Variants in AGBL4 observed in about 807,000 individuals in gnomAD.
AGBL4 encodes the protein AGBL carboxypeptidase 4, also known as cytosolic carboxypeptidase 6.
A neutral mutation model predicts 66.4 loss-of-function variants in AGBL4; 58 were observed. That is an observed-to-expected ratio of 0.87 (90% confidence interval 0.71 to 1.09). The LOEUF is 1.09. Among genes scored for constraint, AGBL4 ranks in the 50% least tolerant of loss-of-function variants. The probability of loss-of-function intolerance (pLI) is 0.00; values close to 1 mark genes in which losing one functional copy is unlikely to be tolerated. For missense variants in AGBL4, 579 were observed against 631.0 expected, an observed-to-expected ratio of 0.92 and a Z score of 0.88; for synonymous variants, 234 against 222.9, an observed-to-expected ratio of 1.05 and a Z score of -0.44.
chr1:48,878,504 G>C (rs908946328), intron 5 of AGBL4, among the ~76,000 whole-genome samples: 2 of 152,138 alleles, frequency 1.3e-5, no homozygotes, highest in Admixed American at 1.3e-4. Flanking sequence ...CTAAGTGCTT[G>C]GAATTTTTAA....
intron 4 of AGBL4, among the ~76,000 whole-genome samples, chr1:49,109,536 C>T (rs992338653): frequency 1.3e-5 from 2 of 152,168 alleles, no homozygotes; most frequent in Non-Finnish European, 2.9e-5. Flanking sequence ...TACTGCCCAC[C>T]TCACAGAGTA....
At chr1:49,841,856 C>CA (rs1646001762) in intron 2 of AGBL4, 1 of 532,938 alleles carries the variant, frequency 1.9e-6, no homozygotes. Flanking sequence ...TCAGGCGGAG[C>CA]AGGGGCAGCC....
chr1:48,569,733 A>G (rs949038080), intron 11 of AGBL4, among the ~76,000 whole-genome samples: 1 of 152,208 alleles, frequency 6.6e-6, no homozygotes, highest in Admixed American at 6.5e-5. Flanking sequence ...TTTGCGAATC[A>G]GGAGAAATAC....
chr1:49,234,412 A>G (rs1650555288), intron 4 of AGBL4, among the ~76,000 whole-genome samples: 1 of 152,216 alleles, frequency 6.6e-6, no homozygotes, highest in South Asian at 2.1e-4. Flanking sequence ...TGAAGTATAT[A>G]TAGAAATCCT....
In AGBL4 at chr1:49,042,379, CT is replaced by C. The variant is rs561157786; in HGVS notation, c.594+3204del. ...GAGCTGAAAGCAGAATTCAGATATC[CT>C]GTGGCAGCGACTTTAAGCTGTCCCT... On this transcript the variant is annotated intron_variant, in intron 5 of 13. Transcript: ENST00000371839. Among the ~76,000 whole-genome samples the C allele has an allele frequency of 9.9e-5, 15 of 152,232 alleles. No individual in the cohort carries two copies. The East Asian group carries it at 2.7e-3, about 27-fold the overall frequency.
intron 1 of AGBL4, among the ~76,000 whole-genome samples, chr1:49,999,431 A>C (rs1660588993): frequency 6.6e-6 from 1 of 152,092 alleles, no homozygotes. Context: ...GAAAGAAATC[A>C]TAGACAACAC....
At chr1:49,310,323 G>A (rs987337236) in intron 3 of AGBL4, among the ~76,000 whole-genome samples, 10 of 152,036 alleles carry the variant, frequency 6.6e-5, no homozygotes, top group Admixed American at 3.9e-4. Context: ...GAATAGCCCT[G>A]ATTACTGTTT....
At chr1:48,748,306 G>A (rs1027350029) in intron 6 of AGBL4, among the ~76,000 whole-genome samples, 1 of 152,172 alleles carries the variant, frequency 6.6e-6, no homozygotes, top group Non-Finnish European at 1.5e-5. Flanking sequence ...CTGTTTCTTA[G>A]CCCCATTAGT....
chr1:48,961,698 T>C (rs1002202822), intron 5 of AGBL4, among the ~76,000 whole-genome samples: 3 of 152,076 alleles, frequency 2.0e-5, no homozygotes, highest in African/African-American at 7.2e-5. Flanking sequence ...AGCCAGTAAG[T>C]GACACAGAGC....
intron 1 of AGBL4, among the ~76,000 whole-genome samples, chr1:49,909,893 G>A (rs1650645330): frequency 6.6e-6 from 1 of 152,136 alleles, no homozygotes; most frequent in Non-Finnish European, 1.5e-5. Flanking sequence ...TGTCTATTGA[G>A]AAACAGATTT....
intron 6 of AGBL4, among the ~76,000 whole-genome samples, chr1:48,729,509 C>T (rs770834876): frequency 3.3e-5 from 5 of 152,146 alleles, no homozygotes; most frequent in Non-Finnish European, 1.5e-5. Flanking sequence ...CAAACCAGCT[C>T]AGAACAGGGA....
chr1:48,690,132 AGT>A (rs1646606320), intron 6 of AGBL4, among the ~76,000 whole-genome samples: 1 of 152,178 alleles, frequency 6.6e-6, no homozygotes, highest in Admixed American at 6.5e-5. Flanking sequence ...TGGTTCTCAG[AGT>A]GTTTGCTAAA....
At chr1:49,847,923 A>C (rs1342711870) in intron 2 of AGBL4, among the ~76,000 whole-genome samples, 1 of 151,914 alleles carries the variant, frequency 6.6e-6, no homozygotes, top group Non-Finnish European at 1.5e-5. Context: ...GGATGGTCTC[A>C]ATCTCCTGAC....
intron 2 of AGBL4, among the ~76,000 whole-genome samples, chr1:49,767,165 C>T (rs1176770128): frequency 6.6e-6 from 1 of 152,100 alleles, no homozygotes; most frequent in Non-Finnish European, 1.5e-5. Context: ...TCCTTCTTAT[C>T]TGAACACTGA....
In AGBL4 at chr1:48,534,806, C is replaced by G. The variant is rs1278251489; in HGVS notation, c.1391+84G>C. On this transcript the variant is annotated intron_variant, in intron 13 of 13. Coordinates refer to ENST00000371839, the MANE Select transcript of AGBL4 (RefSeq NM_032785.4). ...GAAGAGCCTTGCTAACATAACAAGG[C>G]TGCCAGAATAGGTGAGATACAGCCC... 5 of 1,374,462 alleles carry G rather than the reference C, an allele frequency of 3.6e-6. No individual in the cohort carries two copies. In the East Asian group the frequency reaches 1.3e-4, roughly 34 times the overall value. The allele number at this position is 1,374,462 out of a possible 1,614,324, so 85.1% of individuals were successfully genotyped here.
intron 3 of AGBL4, among the ~76,000 whole-genome samples, chr1:49,344,495 G>A (rs1645600844): frequency 6.6e-6 from 1 of 152,174 alleles, no homozygotes; most frequent in Non-Finnish European, 1.5e-5. Flanking sequence ...GCAAGCTGTG[G>A]AAGGTTTGTG....
At chr1:49,159,537 T>C (rs1156879996) in intron 4 of AGBL4, among the ~76,000 whole-genome samples, 1 of 152,132 alleles carries the variant, frequency 6.6e-6, no homozygotes, top group Non-Finnish European at 1.5e-5. Flanking sequence ...GACGATTGTG[T>C]CTTGGGGTTG....
intron 2 of AGBL4, among the ~76,000 whole-genome samples, chr1:49,832,561 G>A (rs1393555648): frequency 2.6e-5 from 4 of 151,690 alleles, no homozygotes; most frequent in Admixed American, 1.3e-4. Context: ...AGATCCCTGA[G>A]GAATCGCCAC....
At chr1:48,614,781 A>G (rs1004674804) in intron 9 of AGBL4, among the ~76,000 whole-genome samples, 2 of 152,208 alleles carry the variant, frequency 1.3e-5, no homozygotes, top group African/African-American at 4.8e-5. Flanking sequence ...AATACAAGAG[A>G]CATACAAACA....
Sources: allele counts gnomAD v4.1 joint callset (sites outside exome capture counted in the v4.1 genomes callset), GRCh38; gene constraint gnomAD v4.1.1; transcripts MANE v1.5; gene names NCBI Gene and HGNC (gene_info 2026-07-23, HGNC 2026-07-21).